Variants in TNNI3K observed in about 807,000 individuals in gnomAD.
TNNI3K encodes the protein TNNI3 interacting kinase.
In TNNI3K, 140 loss-of-function variants were observed where a neutral mutation model predicts 114.5. That is an observed-to-expected ratio of 1.22 (90% CI 1.07 to 1.41). The LOEUF is 1.41. Among genes scored for constraint, TNNI3K ranks in the 40% most tolerant of loss-of-function variants. The pLI, the probability that TNNI3K is intolerant of heterozygous loss-of-function variation, is 0.00. For synonymous variants in TNNI3K, 347 were observed against 347.5 expected, an observed-to-expected ratio of 1.00 and a Z score of 0.02; for missense variants, 1,125 against 1,007.6, an observed-to-expected ratio of 1.12 and a Z score of -1.58.
At chr1:74,541,324 A>G (rs3765680) in intron 24 of TNNI3K, among the ~76,000 whole-genome samples, 80,244 of 151,946 alleles carry the variant, frequency 0.53, 22,726 homozygotes, top group East Asian at 0.73. Flanking sequence ...AATAGATGCA[A>G]ACAAACTATT....
intron 24 of TNNI3K, among the ~76,000 whole-genome samples, chr1:74,543,321 T>G (rs1189567038): frequency 6.6e-6 from 1 of 152,038 alleles, no homozygotes; most frequent in Non-Finnish European, 1.5e-5. Context: ...ATTCGCTCTC[T>G]GGGCCATCCC....
chr1:74,394,824 C>T lies in TNNI3K; in HGVS notation c.1772+24432C>T, dbSNP rs573072792. Among the ~76,000 whole-genome samples, 4 of 152,232 alleles carry T rather than the reference C, an allele frequency of 2.6e-5. No individual in the cohort carries two copies. In the East Asian group the frequency reaches 7.7e-4, roughly 29 times the overall value. ...CTTTGGGAGGCTGAGGCGGGTGGAT[C>T]ATGAGGTCAGGAGATCCAGACCATC... On this transcript the variant is annotated intron_variant, in intron 17 of 24. Coordinates refer to ENST00000326637, the MANE Select transcript of TNNI3K (RefSeq NM_015978.3).
chr1:74,502,433 G>A (rs1414325302), intron 23 of TNNI3K, among the ~76,000 whole-genome samples: 1 of 152,154 alleles, frequency 6.6e-6, no homozygotes, highest in Admixed American at 6.5e-5. Context: ...TGTAAGCAAT[G>A]CATATAACTA....
intron 21 of TNNI3K, among the ~76,000 whole-genome samples, chr1:74,478,935 T>C (rs1668341167): frequency 6.6e-6 from 1 of 152,218 alleles, no homozygotes; most frequent in South Asian, 2.1e-4. Flanking sequence ...TTTCCTAACA[T>C]TTGAATTTCC....
chr1:74,367,375 T>C lies in TNNI3K; in HGVS notation c.1264+33T>C, dbSNP rs534451262. 5 of 1,605,338 alleles carry C rather than the reference T, an allele frequency of 3.1e-6. No homozygotes were observed. The African/African-American group carries it at 5.4e-5, about 17-fold the overall frequency. Reference sequence around the variant, plus strand: ...TTTTCTTATTCAGTTTTCATTATTGTATAATATATTGTGCCTAAAGGTAAA... The same window carrying C: ...TTTTCTTATTCAGTTTTCATTATTGCATAATATATTGTGCCTAAAGGTAAA... On this transcript the variant is annotated intron_variant, in intron 12 of 24. Coordinates refer to ENST00000326637, the MANE Select transcript of TNNI3K (RefSeq NM_015978.3).
At chr1:74,533,891 G>C (rs1342879797) in intron 23 of TNNI3K, among the ~76,000 whole-genome samples, 6 of 152,174 alleles carry the variant, frequency 3.9e-5, no homozygotes, top group Non-Finnish European at 5.9e-5. Flanking sequence ...ATTAAATGGA[G>C]TGTGTTTTAG....
At chr1:74,349,381 TATTGAGG>T (rs953765526) in intron 9 of TNNI3K, among the ~76,000 whole-genome samples, 1 of 152,190 alleles carries the variant, frequency 6.6e-6, no homozygotes, top group Admixed American at 6.5e-5. Flanking sequence ...GCCAGTATTT[TATTGAGG>T]ATTTTTGCAT....
chr1:74,261,799 A>G (rs1016243916), intron 4 of TNNI3K, among the ~76,000 whole-genome samples: 1 of 152,164 alleles, frequency 6.6e-6, no homozygotes, highest in South Asian at 2.1e-4. Flanking sequence ...AAAAGCAGAT[A>G]TTGAATGGTA....
At chr1:74,464,177 C>T (rs1272570964) in intron 21 of TNNI3K, among the ~76,000 whole-genome samples, 4 of 152,218 alleles carry the variant, frequency 2.6e-5, no homozygotes, top group Non-Finnish European at 5.9e-5. Context: ...AACAATCCGC[C>T]TGCAAGAAGG....
intron 9 of TNNI3K, among the ~76,000 whole-genome samples, chr1:74,343,712 G>A (rs192020843): frequency 6.6e-6 from 1 of 152,258 alleles, no homozygotes; most frequent in African/African-American, 2.4e-5. Flanking sequence ...CTCTTCTCTA[G>A]GAATTCGTGA....
At chr1:74,400,635 G>A (rs1412515057) in intron 17 of TNNI3K, among the ~76,000 whole-genome samples, 1 of 152,154 alleles carries the variant, frequency 6.6e-6, no homozygotes, top group Non-Finnish European at 1.5e-5. Context: ...AGACCCTACA[G>A]CAATTCCCTC....
intron 5 of TNNI3K, among the ~76,000 whole-genome samples, chr1:74,283,853 A>G (rs191675785): frequency 3.2e-4 from 49 of 152,318 alleles, no homozygotes; most frequent in African/African-American, 1.2e-3. Flanking sequence ...ATTAACATGT[A>G]TTAGCTAAAC....
intron 17 of TNNI3K, among the ~76,000 whole-genome samples, chr1:74,412,813 C>T (rs1664948384): frequency 6.6e-6 from 1 of 152,092 alleles, no homozygotes; most frequent in Non-Finnish European, 1.5e-5. Flanking sequence ...TGGGTTTCAC[C>T]ATGCTAGCCA....
At chr1:74,394,560 TG>T (rs753969224) in intron 17 of TNNI3K, among the ~76,000 whole-genome samples, 3 of 152,234 alleles carry the variant, frequency 2.0e-5, no homozygotes, top group East Asian at 3.9e-4. Flanking sequence ...CCCCCTTAGC[TG>T]CCCTCACCCA....
intron 17 of TNNI3K, among the ~76,000 whole-genome samples, chr1:74,421,761 G>A (rs1451370539): frequency 6.6e-6 from 1 of 151,898 alleles, no homozygotes; most frequent in Non-Finnish European, 1.5e-5. Context: ...ATTGAGGAAG[G>A]GGATGTGCTG....
At chr1:74,534,498 C>T (rs564715079) in intron 23 of TNNI3K, among the ~76,000 whole-genome samples, 1 of 152,228 alleles carries the variant, frequency 6.6e-6, no homozygotes, top group South Asian at 2.1e-4. Flanking sequence ...TTGGAAGCCA[C>T]AACACTGTCT....
chr1:74,270,262 A>T (rs1656260180), intron 4 of TNNI3K, among the ~76,000 whole-genome samples: 1 of 151,804 alleles, frequency 6.6e-6, no homozygotes, highest in Non-Finnish European at 1.5e-5. Context: ...CTACCTAAAG[A>T]TTGCTAAAGA....
chr1:74,242,723 A>G (rs1654321094), intron 2 of TNNI3K, among the ~76,000 whole-genome samples: 1 of 151,992 alleles, frequency 6.6e-6, no homozygotes, highest in South Asian at 2.1e-4. Flanking sequence ...AAGAATTCAT[A>G]ATGCCCTAAG....
intron 23 of TNNI3K, among the ~76,000 whole-genome samples, chr1:74,516,154 A>G (rs1646344636): frequency 6.6e-6 from 1 of 152,216 alleles, no homozygotes; most frequent in Admixed American, 6.5e-5. Context: ...TAACTCTGGT[A>G]TTTCAAAATT....
Sources: allele counts gnomAD v4.1 joint callset (sites outside exome capture counted in the v4.1 genomes callset), GRCh38; gene constraint gnomAD v4.1.1; transcripts MANE v1.5; gene names NCBI Gene and HGNC (gene_info 2026-07-23, HGNC 2026-07-21).